Variants in GUCY1B1 observed in about 807,000 individuals in gnomAD.
GUCY1B1 encodes guanylate cyclase 1 soluble subunit beta 1, also known as guanylate cyclase soluble subunit beta-1.
GUCY1B1 carries 43 observed loss-of-function variants against 71.0 expected under a neutral mutation model. That is an observed-to-expected ratio of 0.61 (90% CI 0.47 to 0.78). The LOEUF is 0.78. Among genes scored for constraint, GUCY1B1 ranks in the 30% least tolerant of loss-of-function variants. The probability of loss-of-function intolerance (pLI) is 0.00; values close to 1 mark genes in which losing one functional copy is unlikely to be tolerated. For missense variants in GUCY1B1, 535 were observed against 754.1 expected (o/e 0.71, Z 3.40); for synonymous variants, 266 against 259.7 (o/e 1.02, Z -0.23).
intron 1 of GUCY1B1, 111 bp from the exon 2 acceptor site, chr4:155,759,676 G>A (rs1736825892): frequency 2.8e-6 from 2 of 704,442 alleles, no homozygotes; most frequent in South Asian, 3.4e-5. Flanking sequence ...AGTCAGGGGC[G>A]GGGTGAAAGG....
Position 155,806,672 on chromosome 4 carries a change from A to G in GUCY1B1, c.*263A>G, listed in dbSNP as rs1740340130. On this transcript the variant is annotated 3_prime_UTR_variant, in exon 14 of 14. Transcript: ENST00000264424. ...GTGAGCTTCATGTGTCTTAAAATCT[A>G]CTACAAGCATTACCTAACATGGTGA... is the stretch of plus-strand genomic sequence containing the variant. 3 of 395,336 alleles carry G rather than the reference A, an allele frequency of 7.6e-6. No individual in the cohort carries two copies. The highest frequency in any genetic ancestry group is 2.1e-5 in the African/African-American group (1 of 48,530). The allele number at this position is 395,336 out of a possible 1,614,324, so 24.5% of individuals were successfully genotyped here. A position where few individuals can be genotyped will look rare whatever the true frequency, so the allele number is the denominator to read the frequency against.
intron 2 of GUCY1B1, among the ~76,000 whole-genome samples, chr4:155,760,734 A>G (rs1241433077): frequency 6.6e-6 from 1 of 152,170 alleles, no homozygotes; most frequent in East Asian, 1.9e-4. Context: ...CTATTTATGG[A>G]TTTTCATATT....
chr4:155,786,330 G>T (rs1447610091), intron 4 of GUCY1B1, among the ~76,000 whole-genome samples: 2 of 143,748 alleles, frequency 1.4e-5, no homozygotes, highest in Non-Finnish European at 3.0e-5. Context: ...CTGGAGTGCA[G>T]TGGTGAGATC....
chr4:155,797,544 C>G (rs1445319492), intron 8 of GUCY1B1, among the ~76,000 whole-genome samples: 8 of 151,822 alleles, frequency 5.3e-5, no homozygotes, highest in Non-Finnish European at 1.2e-4. Flanking sequence ...TCAAGATCAG[C>G]CTGGCAAACA....
At chr4:155,777,431 T>C in intron 3 of GUCY1B1, 93 bp from the exon 4 acceptor site, 1 of 732,370 alleles carries the variant, frequency 1.4e-6, no homozygotes, top group Non-Finnish European at 2.4e-6. Flanking sequence ...GAAGACATTT[T>C]ACATTACTTA....
rs900826266 is a variant in GUCY1B1, at chr4:155,777,517, A to G, written c.179-7A>G. The G allele has an allele frequency of 1.4e-6, 2 of 1,468,814 alleles. No individual in the cohort carries two copies. Among genetic ancestry groups the G allele is most frequent in the Non-Finnish European group, 1.9e-6 (2 of 1,048,290 alleles). The allele number at this position is 1,468,814 out of a possible 1,614,324, so 91.0% of individuals were successfully genotyped here. The stretch of plus-strand genomic sequence containing the variant: ...GCTTTTTTTCCCCTCTTGAATTTGT[A>G]AAATAGATCTCAATGCTGGAGAAAT... On this transcript the variant is annotated splice_polypyrimidine_tract_variant and splice_region_variant and intron_variant, in intron 3 of 13. Coordinates refer to ENST00000264424, the MANE Select transcript of GUCY1B1 (RefSeq NM_000857.5).
intron 2 of GUCY1B1, among the ~76,000 whole-genome samples, chr4:155,771,690 A>G (rs2111008891): frequency 6.6e-6 from 1 of 152,324 alleles, no homozygotes; most frequent in South Asian, 2.1e-4. Context: ...CAAACTATTT[A>G]TCCCATTCCT....
chr4:155,790,426 G>T (rs1298904588), intron 5 of GUCY1B1, among the ~76,000 whole-genome samples: 2 of 152,096 alleles, frequency 1.3e-5, no homozygotes, highest in Non-Finnish European at 2.9e-5. Context: ...GCCAGGTCTG[G>T]TACTTTAAAA....
At chr4:155,797,380 A>G (rs1386897813) in intron 8 of GUCY1B1, among the ~76,000 whole-genome samples, 1 of 152,218 alleles carries the variant, frequency 6.6e-6, no homozygotes, top group Non-Finnish European at 1.5e-5. Context: ...ACACTTTGTA[A>G]CAACCTCCTG....
Position 155,759,099 on chromosome 4 carries a change from C to A in GUCY1B1, c.-42C>A, listed in dbSNP as rs757252605. 6.3e-7 allele frequency: 1 copy of A among 1,585,680 alleles called. No homozygotes were observed. Among genetic ancestry groups the A allele is most frequent in the Non-Finnish European group, 8.6e-7 (1 of 1,166,462 alleles). On this transcript the variant is annotated 5_prime_UTR_variant, in exon 1 of 14. Transcript: ENST00000264424. Reference sequence around the variant, plus strand: ...TCTGCCTGGGTCCCTTCGGCCGTACCTCTGCGTGGGGGCTGCCTCCCCGGC... The same window carrying A: ...TCTGCCTGGGTCCCTTCGGCCGTACATCTGCGTGGGGGCTGCCTCCCCGGC...
intron 2 of GUCY1B1, among the ~76,000 whole-genome samples, chr4:155,773,319 T>G (rs1737819050): frequency 6.6e-6 from 1 of 152,192 alleles, no homozygotes; most frequent in Admixed American, 6.5e-5. Flanking sequence ...GGTGGCAGTG[T>G]TTTAAACAAT....
intron 2 of GUCY1B1, among the ~76,000 whole-genome samples, chr4:155,768,358 A>T (rs578112648): frequency 6.6e-6 from 1 of 152,240 alleles, no homozygotes; most frequent in Non-Finnish European, 1.5e-5. Flanking sequence ...TATTTTGGAC[A>T]AATTGTATAC....
At chr4:155,803,829 C>G in intron 11 of GUCY1B1, 65 bp downstream of exon 11, 3 of 1,092,310 alleles carry the variant, frequency 2.7e-6, no homozygotes, top group Non-Finnish European at 3.8e-6. Flanking sequence ...TGATTCATAT[C>G]GTTGTCCGGA....
chr4:155,798,173 C>G (rs554623813), intron 8 of GUCY1B1, among the ~76,000 whole-genome samples: 2 of 152,244 alleles, frequency 1.3e-5, no homozygotes, highest in Non-Finnish European at 2.9e-5. Flanking sequence ...GAGACATGCT[C>G]AGGTGTGTAG....
intron 1 of GUCY1B1, chr4:155,759,514 TGCCCA>T (rs1736807632): frequency 4.1e-6 from 2 of 486,260 alleles, no homozygotes; most frequent in Admixed American, 4.0e-5. Context: ...CTGCCCCCGA[TGCCCA>T]GCCTCTCCCG....
At chr4:155,760,290 G>A (rs1736903758) in intron 2 of GUCY1B1, among the ~76,000 whole-genome samples, 1 of 152,214 alleles carries the variant, frequency 6.6e-6, no homozygotes, top group African/African-American at 2.4e-5. Flanking sequence ...CACACCTGGC[G>A]TAAGTTAGGC....
intron 2 of GUCY1B1, among the ~76,000 whole-genome samples, chr4:155,767,708 T>C (rs2110988664): frequency 6.6e-6 from 1 of 152,214 alleles, no homozygotes; most frequent in Non-Finnish European, 1.5e-5. Context: ...GTCTCTCCAC[T>C]TGGCAGCTCC....
At chr4:155,766,593 A>G (rs1737350834) in intron 2 of GUCY1B1, among the ~76,000 whole-genome samples, 1 of 151,110 alleles carries the variant, frequency 6.6e-6, no homozygotes, top group Admixed American at 6.6e-5. Flanking sequence ...AGAGCAATAT[A>G]GCAATACATA....
chr4:155,802,438 T>G lies in GUCY1B1; in HGVS notation c.1272T>G (p.Phe424Leu), dbSNP rs1740021334. 1 of 1,613,812 alleles carries G rather than the reference T, an allele frequency of 6.2e-7. No homozygotes were observed. Among genetic ancestry groups the G allele is most frequent in the Non-Finnish European group, 8.5e-7 (1 of 1,179,772 alleles). Residue 424 changes from phenylalanine to leucine, a missense_variant, in exon 10 of 14, where the codon TTT becomes TTG. Coordinates refer to ENST00000264424, the MANE Select transcript of GUCY1B1 (RefSeq NM_000857.5). The surrounding 1 kb of genome is among the most constrained non-coding windows in gnomAD (Gnocchi z 4.3). ...AKRYDNVTIL[F>L]SGIVGFNAFC... ...GATATGACAATGTGACCATCCTCTT[T>G]AGTGGCATTGTGGGCTTCAATGCTT...
Sources: gnomAD v4.1 joint callset for allele counts (sites outside exome capture counted in the v4.1 genomes callset) on GRCh38, gnomAD v4.1.1 for gene constraint, Gnocchi (gnomAD v3.1) non-coding constraint, MANE v1.5 for transcripts, NCBI Gene and HGNC (gene_info 2026-07-23, HGNC 2026-07-21) for gene names.